Variants in KCNQ5 observed in about 807,000 individuals in gnomAD.
The protein encoded by KCNQ5 is potassium voltage-gated channel subfamily Q member 5, also known as potassium voltage-gated channel subfamily KQT member 5.
KCNQ5 carries 30 observed loss-of-function variants against 98.2 expected under a neutral mutation model. The observed-to-expected ratio is 0.31, with a 90% confidence interval of 0.23 to 0.41. The LOEUF (loss-of-function observed/expected upper bound fraction) is 0.41, where lower values mean the gene tolerates loss of function less well. Ranked by LOEUF, KCNQ5 falls within the 10% of genes least tolerant of loss-of-function variation. KCNQ5 has a pLI of 1.00. For synonymous variants in KCNQ5, 458 were observed against 449.4 expected, an observed-to-expected ratio of 1.02 and a Z score of -0.24; for missense variants, 835 against 1,182.5, an observed-to-expected ratio of 0.71 and a Z score of 4.31.
chr6:73,021,033 C>T (rs1422210682), intron 2 of KCNQ5, among the ~76,000 whole-genome samples: 1 of 152,058 alleles, frequency 6.6e-6, no homozygotes, highest in Non-Finnish European at 1.5e-5. Flanking sequence ...TTTGAAAAAC[C>T]CAGTTCTACC....
chr6:72,838,880 G>A (rs895430458), intron 1 of KCNQ5, among the ~76,000 whole-genome samples: 3 of 143,242 alleles, frequency 2.1e-5, no homozygotes, highest in Non-Finnish European at 4.5e-5. Context: ...AACCCGGGAG[G>A]CGGAGCTTGC....
intron 1 of KCNQ5, among the ~76,000 whole-genome samples, chr6:72,976,282 C>T (rs761263169): frequency 4.5e-4 from 69 of 152,222 alleles, no homozygotes; most frequent in Non-Finnish European, 7.8e-4. Flanking sequence ...AACCTTTTTA[C>T]GGAAAAATGA....
chr6:72,759,418 G>A (rs543913612), intron 1 of KCNQ5, among the ~76,000 whole-genome samples: 2 of 152,242 alleles, frequency 1.3e-5, no homozygotes, highest in South Asian at 4.1e-4. Flanking sequence ...TCTTGGCTAA[G>A]GTTAAAGGAG....
chr6:72,661,881 A>G (rs367748683), intron 1 of KCNQ5, among the ~76,000 whole-genome samples: 1 of 152,176 alleles, frequency 6.6e-6, no homozygotes, highest in African/African-American at 2.4e-5. Flanking sequence ...GCTTCTTTAA[A>G]TGAAAAACTG....
At chr6:73,037,009 T>C (rs2150353751) in intron 2 of KCNQ5, among the ~76,000 whole-genome samples, 1 of 152,316 alleles carries the variant, frequency 6.6e-6, no homozygotes, top group African/African-American at 2.4e-5. Context: ...CATTTTGTGT[T>C]GTCACTATTT....
intron 1 of KCNQ5, among the ~76,000 whole-genome samples, chr6:72,667,760 A>T (rs866852871): frequency 3.3e-5 from 5 of 152,230 alleles, no homozygotes; most frequent in Non-Finnish European, 4.4e-5. Flanking sequence ...AATAGGGCAT[A>T]TTGAAATGAT....
intron 9 of KCNQ5, chr6:73,124,794 G>T (rs915232955): frequency 2.2e-6 from 1 of 455,860 alleles, no homozygotes; most frequent in Non-Finnish European, 3.9e-6. Flanking sequence ...CCTTGCTGTT[G>T]TTTTCCCAGA....
At chr6:73,075,246 C>T (rs1396496687) in intron 3 of KCNQ5, among the ~76,000 whole-genome samples, 1 of 143,354 alleles carries the variant, frequency 7.0e-6, no homozygotes, top group African/African-American at 2.6e-5. Context: ...TTTTTTGAGA[C>T]GCAGTCTTGC....
intron 11 of KCNQ5, among the ~76,000 whole-genome samples, chr6:73,182,024 A>T (rs1406621376): frequency 6.6e-6 from 1 of 152,132 alleles, no homozygotes; most frequent in East Asian, 1.9e-4. Context: ...GTCATATCAA[A>T]CTTCTTTTGT....
intron 7 of KCNQ5, among the ~76,000 whole-genome samples, chr6:73,113,717 C>T (rs1775357114): frequency 6.6e-6 from 1 of 152,224 alleles, no homozygotes; most frequent in Non-Finnish European, 1.5e-5. Context: ...ATCATTGGAG[C>T]AGAGGCATTT....
intron 1 of KCNQ5, among the ~76,000 whole-genome samples, chr6:72,832,768 A>T (rs1363110279): frequency 6.6e-6 from 1 of 152,340 alleles, no homozygotes; most frequent in East Asian, 1.9e-4. Flanking sequence ...ATTTTTTATA[A>T]AACCAAGCAA....
chr6:73,112,110 G>A (rs902282404), intron 7 of KCNQ5, among the ~76,000 whole-genome samples: 1 of 152,008 alleles, frequency 6.6e-6, no homozygotes, highest in African/African-American at 2.4e-5. Flanking sequence ...TCCAGGTTAA[G>A]AATCACAAAA....
intron 1 of KCNQ5, among the ~76,000 whole-genome samples, chr6:72,629,543 G>A (rs557484407): frequency 2.0e-5 from 3 of 152,306 alleles, no homozygotes; most frequent in South Asian, 2.1e-4. Flanking sequence ...AAAATGAAAC[G>A]AAGGACTGAT....
At chr6:73,177,731 A>T (rs1183338439) in intron 11 of KCNQ5, among the ~76,000 whole-genome samples, 1 of 152,240 alleles carries the variant, frequency 6.6e-6, no homozygotes, top group African/African-American at 2.4e-5. Flanking sequence ...GCAAGTCACT[A>T]TTAAGACATT....
intron 5 of KCNQ5, among the ~76,000 whole-genome samples, chr6:73,078,983 AAGG>A (rs1368588544): frequency 2.0e-5 from 3 of 152,166 alleles, no homozygotes; most frequent in Non-Finnish European, 4.4e-5. Flanking sequence ...TTATTCCTTT[AAGG>A]TATTCCAAAG....
In KCNQ5 at chr6:73,027,958, A is replaced by G. The variant is rs144961411; in HGVS notation, c.490-13978A>G. Among the ~76,000 whole-genome samples the G allele has an allele frequency of 4.1e-3, 623 of 152,316 alleles. 2 individuals are homozygous for G. Among genetic ancestry groups the G allele is most frequent in the African/African-American group, 0.014 (590 of 41,568 alleles). On this transcript the variant is annotated intron_variant, in intron 2 of 13. Transcript: ENST00000370398. Reference sequence around the variant, plus strand: ...ATTTATAGTCTCTGATGAGATACCAATCTTGGATATATAAACCTAGTCTTT... The same window carrying G: ...ATTTATAGTCTCTGATGAGATACCAGTCTTGGATATATAAACCTAGTCTTT...
At chr6:73,185,267 G>A (rs780150442) in intron 11 of KCNQ5, among the ~76,000 whole-genome samples, 13 of 152,042 alleles carry the variant, frequency 8.6e-5, no homozygotes, top group African/African-American at 4.8e-5. Context: ...CTGTAGCCTC[G>A]ACCTCCTGGG....
At chr6:72,631,392 A>G (rs551556652) in intron 1 of KCNQ5, among the ~76,000 whole-genome samples, 4 of 152,340 alleles carry the variant, frequency 2.6e-5, no homozygotes, top group African/African-American at 7.2e-5. Flanking sequence ...CATTTAATTG[A>G]TAAGCAAAGG....
chr6:72,647,864 G>C (rs1020107640), intron 1 of KCNQ5, among the ~76,000 whole-genome samples: 2 of 152,120 alleles, frequency 1.3e-5, no homozygotes, highest in South Asian at 4.1e-4. Context: ...AGAATGTAAT[G>C]TTGACTGTTA....
Sources: allele counts gnomAD v4.1 joint callset (sites outside exome capture counted in the v4.1 genomes callset), GRCh38; gene constraint gnomAD v4.1.1; transcripts MANE v1.5; gene names NCBI Gene and HGNC (gene_info 2026-07-23, HGNC 2026-07-21).